The following FAF1 variants were observed in gnomAD, a reference collection of about 807,000 sequenced individuals.
FAF1 encodes the protein FAS-associated factor 1.
Under a neutral mutation model 92.5 loss-of-function variants are expected in FAF1, and 25 were observed. The observed-to-expected ratio is 0.27, with a 90% CI of 0.20 to 0.38. The LOEUF is 0.38. Ranked by LOEUF, FAF1 falls within the 10% of genes least tolerant of loss-of-function variation. FAF1 has a pLI of 1.00. For missense variants in FAF1, 636 were observed against 793.3 expected, an observed-to-expected ratio of 0.80 and a Z score of 2.38; for synonymous variants, 234 against 273.2, an observed-to-expected ratio of 0.86 and a Z score of 1.42.
chr1:50,609,794 A>G (rs77648138), intron 8 of FAF1, among the ~76,000 whole-genome samples: 2 of 83,330 alleles, frequency 2.4e-5, no homozygotes, highest in African/African-American at 4.2e-5. Flanking sequence ...TGAATTATGG[A>G]AAAAAAAAAA....
intron 1 of FAF1, among the ~76,000 whole-genome samples, chr1:50,866,702 A>T (rs72692203): frequency 0.014 from 2,090 of 152,174 alleles, 23 homozygotes; most frequent in Middle Eastern, 0.02. Context: ...AGATGACACA[A>T]ATGGACACAT....
At chr1:50,748,282 G>A (rs1659708513) in intron 4 of FAF1, among the ~76,000 whole-genome samples, 1 of 151,302 alleles carries the variant, frequency 6.6e-6, no homozygotes, top group Non-Finnish European at 1.5e-5. Context: ...GATCAACTGA[G>A]GTCAGGAGTT....
At chr1:50,806,712 G>C (rs935189386) in intron 2 of FAF1, among the ~76,000 whole-genome samples, 2 of 152,306 alleles carry the variant, frequency 1.3e-5, no homozygotes, top group African/African-American at 4.8e-5. Context: ...AGAATGCCGG[G>C]GGCCTGGTGT....
chr1:50,948,362 C>T (rs1012995508), intron 1 of FAF1, among the ~76,000 whole-genome samples: 1 of 152,082 alleles, frequency 6.6e-6, no homozygotes, highest in African/African-American at 2.4e-5. Context: ...AGCATGGTGC[C>T]AGCATCCGCT....
chr1:50,790,738 A>T (rs1202179998), intron 3 of FAF1, among the ~76,000 whole-genome samples: 1 of 152,076 alleles, frequency 6.6e-6, no homozygotes, highest in Non-Finnish European at 1.5e-5. Flanking sequence ...CTCAACCTGA[A>T]TTTAAGAACA....
chr1:50,635,046 A>G (rs907889050), intron 8 of FAF1, among the ~76,000 whole-genome samples: 2 of 152,062 alleles, frequency 1.3e-5, no homozygotes, highest in Non-Finnish European at 2.9e-5. Context: ...ACAAATCACT[A>G]TATACATGTC....
intron 13 of FAF1, among the ~76,000 whole-genome samples, chr1:50,559,397 C>A (rs1439364862): frequency 6.6e-6 from 1 of 152,090 alleles, no homozygotes; most frequent in Non-Finnish European, 1.5e-5. Flanking sequence ...CCTTTCAGTA[C>A]TATTAGGAAA....
chr1:50,708,268 A>C, intron 6 of FAF1, among the ~76,000 whole-genome samples: 1 of 152,198 alleles, frequency 6.6e-6, no homozygotes, highest in East Asian at 1.9e-4. Flanking sequence ...GCTTGGACTA[A>C]GGTGGTAGAG....
intron 4 of FAF1, among the ~76,000 whole-genome samples, chr1:50,772,177 A>C (rs1201991016): frequency 1.3e-5 from 2 of 152,124 alleles, no homozygotes; most frequent in Non-Finnish European, 2.9e-5. Context: ...TATTCTGAAA[A>C]ATAAATAAAT....
chr1:50,699,652 A>G (rs1557482010), intron 7 of FAF1, among the ~76,000 whole-genome samples: 1 of 152,156 alleles, frequency 6.6e-6, no homozygotes, highest in Non-Finnish European at 1.5e-5. Flanking sequence ...CAGAAACCAA[A>G]AGCTAACAGA....
rs906839147 is a variant in FAF1 at position 50,892,236 on chromosome 1, ATT to A, written c.46-34241_46-34240del. Among the ~76,000 whole-genome samples, 7 of 152,230 alleles carry A rather than the reference ATT, an allele frequency of 4.6e-5. No individual in the cohort carries two copies. The East Asian group carries it at 1.4e-3, about 29-fold the overall frequency. On this transcript the variant is annotated intron_variant, in intron 1 of 18. Transcript: ENST00000396153. ...ACAGTATTAGGGTGGGAGTGACCCA[ATT>A]TTCTAGGTGCCATCTGTCACAGCTT...
intron 13 of FAF1, among the ~76,000 whole-genome samples, chr1:50,557,159 AG>A (rs1572831943): frequency 1.3e-5 from 2 of 152,282 alleles, no homozygotes; most frequent in East Asian, 3.9e-4. Flanking sequence ...TCCTTAGCTG[AG>A]GTGTGTAGAA....
intron 2 of FAF1, among the ~76,000 whole-genome samples, chr1:50,821,712 C>G (rs1466247157): frequency 2.0e-5 from 3 of 152,124 alleles, no homozygotes; most frequent in Non-Finnish European, 4.4e-5. Context: ...CTTGCTAATA[C>G]ATCAAAAGTG....
At chr1:50,798,931 G>C (rs1020301067) in intron 3 of FAF1, among the ~76,000 whole-genome samples, 68 of 152,110 alleles carry the variant, frequency 4.5e-4, no homozygotes, top group African/African-American at 1.5e-3. Context: ...CTAGGCTGGA[G>C]TGCAGTGGTG....
At chr1:50,527,624 T>C (rs543021447) in intron 15 of FAF1, among the ~76,000 whole-genome samples, 1 of 152,360 alleles carries the variant, frequency 6.6e-6, no homozygotes, top group South Asian at 2.1e-4. Flanking sequence ...TCAACATTCA[T>C]ACAGCACATA....
intron 1 of FAF1, among the ~76,000 whole-genome samples, chr1:50,883,850 C>G (rs539464888): frequency 6.6e-6 from 1 of 152,116 alleles, no homozygotes. Context: ...TTAGGCCAGG[C>G]GCAGTGGCTC....
At chr1:50,620,150 G>A (rs758235855) in intron 8 of FAF1, among the ~76,000 whole-genome samples, 6 of 152,034 alleles carry the variant, frequency 3.9e-5, no homozygotes, top group African/African-American at 7.2e-5. Context: ...CTCATGATCC[G>A]CCCGCCTCGG....
Position 50,484,721 on chromosome 1 carries a change from A to G in FAF1, c.1653+5867T>C, listed in dbSNP as rs1006165122. Among the ~76,000 whole-genome samples, 5 of 152,158 alleles carry G rather than the reference A, an allele frequency of 3.3e-5. No homozygotes were observed. The South Asian group carries it at 1.0e-3, about 32-fold the overall frequency. On this transcript the variant is annotated intron_variant, in intron 17 of 18. Coordinates refer to ENST00000396153, the MANE Select transcript of FAF1 (RefSeq NM_007051.3). ...ACCTTAATAACCAATTTATGGTCCC[A>G]CCTTCATTCTTTGAATTTGGATTAA...
chr1:50,450,869 T>G (rs1646286057), intron 18 of FAF1, among the ~76,000 whole-genome samples: 1 of 152,244 alleles, frequency 6.6e-6, no homozygotes. Flanking sequence ...TCTTAGCAAT[T>G]TCTTCTTTAC....
Sources: gnomAD v4.1 joint callset for allele counts (sites outside exome capture counted in the v4.1 genomes callset) on GRCh38, gnomAD v4.1.1 for gene constraint, MANE v1.5 for transcripts, NCBI Gene and HGNC (gene_info 2026-07-23, HGNC 2026-07-21) for gene names.